The following ZFY variants were observed in gnomAD, a reference collection of about 807,000 sequenced individuals.
ZFY encodes the protein zinc finger protein Y-linked.
For missense variants in ZFY, 113 were observed against 170.9 expected, an observed-to-expected ratio of 0.66 and a Z score of 1.89; for synonymous variants, 47 against 55.8, an observed-to-expected ratio of 0.84 and a Z score of 0.71.
chrY:2,957,887 A>T (rs2051298194), intron 2 of ZFY, among the ~76,000 whole-genome samples: 1 of 33,494 alleles, frequency 3.0e-5, no homozygotes, highest in East Asian at 7.7e-4. Context: ...GATGCACCCA[A>T]TTTGAGGTTA....
chrY:2,947,257 G>T (rs2051264411), intron 1 of ZFY, among the ~76,000 whole-genome samples: 1 of 33,986 alleles, frequency 2.9e-5, no homozygotes, highest in Non-Finnish European at 7.3e-5. Flanking sequence ...AGATGTAATT[G>T]TAATCCTGTG....
At chrY:2,937,174 A>G (rs759260182) in intron 1 of ZFY, among the ~76,000 whole-genome samples, 3 of 32,760 alleles carry the variant, frequency 9.2e-5, no homozygotes, top group African/African-American at 2.4e-4. Flanking sequence ...GTATAAATTG[A>G]TAAGTGTTTT....
At chrY:2,962,633 T>C (rs2051314930) in intron 3 of ZFY, among the ~76,000 whole-genome samples, 1 of 32,529 alleles carries the variant, frequency 3.1e-5, no homozygotes, top group Non-Finnish European at 7.5e-5. Context: ...TTACCTCTTA[T>C]ATGATCAAGT....
Position 2,948,872 on chromosome Y carries a change from A to G in ZFY, c.-28-5037A>G, listed in dbSNP as rs760711344. Reference sequence around the variant, plus strand: ...GTTTTCAGTAAGGGGGTTAGAAGTTATTATTACTTTTTCTTTTTTTGAGAC... The same window carrying G: ...GTTTTCAGTAAGGGGGTTAGAAGTTGTTATTACTTTTTCTTTTTTTGAGAC... On this transcript the variant is annotated intron_variant, in intron 1 of 7. Transcript: ENST00000155093. 4.8e-4 allele frequency among the ~76,000 whole-genome samples: 16 copies of G among 33,553 alleles called. No individual in the cohort carries two copies. The East Asian group carries it at 0.012, about 24-fold the overall frequency. 90.0% of individuals were successfully genotyped at this position (33,553 alleles called of 37,273 possible).
chrY:2,952,566 CACTT>C (rs2051282317), intron 1 of ZFY, among the ~76,000 whole-genome samples: 1 of 33,848 alleles, frequency 3.0e-5, no homozygotes, highest in Non-Finnish European at 7.3e-5. Context: ...TCATAAAACA[CACTT>C]TCTTTAAATT....
chrY:2,977,897 T>C (rs1244302963), intron 6 of ZFY, 43 bp from the exon 7 acceptor site: 1 of 365,908 alleles, frequency 2.7e-6, no homozygotes, highest in Admixed American at 9.2e-5. Flanking sequence ...TTCTTTAGAA[T>C]TTATAATGTT....
chrY:2,951,422 C>T (rs2051278051), intron 1 of ZFY, among the ~76,000 whole-genome samples: 1 of 33,059 alleles, frequency 3.0e-5, no homozygotes, highest in African/African-American at 1.2e-4. Flanking sequence ...AAACTATTTT[C>T]ATTTCTAGGG....
In ZFY at chrY:2,980,360, C is replaced by T; in HGVS notation, c.*367C>T. 3.9e-5 allele frequency: 2 copies of T among 51,634 alleles called. No individual in the cohort carries two copies. The highest frequency in any genetic ancestry group is 2.3e-4 in the African/African-American group (2 of 8,836). 12.9% of individuals were successfully genotyped at this position (51,634 alleles called of 400,897 possible). On this transcript the variant is annotated 3_prime_UTR_variant, in exon 8 of 8. Transcript: ENST00000155093. ...AAGTAACATTTTTGACCCATTTCCT[C>T]CTACACAAGTGTTTCACATTGGAGA...
At chrY:2,969,770 T>C (rs2051342097) in intron 3 of ZFY, among the ~76,000 whole-genome samples, 1 of 33,067 alleles carries the variant, frequency 3.0e-5, no homozygotes, top group Non-Finnish European at 7.4e-5. Flanking sequence ...CCAAGTATTA[T>C]GAAATCAGTC....
At chrY:2,939,112 T>C in intron 1 of ZFY, among the ~76,000 whole-genome samples, 1 of 27,498 alleles carries the variant, frequency 3.6e-5, no homozygotes, top group African/African-American at 1.4e-4. Flanking sequence ...GCAAACCTTT[T>C]TAGATTCTTA....
At chrY:2,954,669 C>T in intron 2 of ZFY, among the ~76,000 whole-genome samples, 4 of 28,970 alleles carry the variant, frequency 1.4e-4, no homozygotes, top group Admixed American at 1.3e-3. Context: ...TGTACCCCAG[C>T]CTGGGTAACA....
intron 1 of ZFY, among the ~76,000 whole-genome samples, chrY:2,938,154 A>ATTTT (rs368708159): frequency 2.1e-3 from 6 of 2,845 alleles, no homozygotes; most frequent in African/African-American, 3.9e-3. Flanking sequence ...CGCCGGGCTA[A>ATTTT]TTTTTTTTTT....
At chrY:2,941,962 G>GTGTA (rs2051243253) in intron 1 of ZFY, among the ~76,000 whole-genome samples, 1 of 30,711 alleles carries the variant, frequency 3.3e-5, no homozygotes. Flanking sequence ...GTGTGTGTGT[G>GTGTA]TATATCTCTG....
chrY:2,951,208 C>T, intron 1 of ZFY, among the ~76,000 whole-genome samples: 1 of 32,701 alleles, frequency 3.1e-5, no homozygotes, highest in Admixed American at 2.8e-4. Flanking sequence ...GTAAATAAGT[C>T]ATGTGGTAGC....
At chrY:2,952,997 T>A in intron 1 of ZFY, among the ~76,000 whole-genome samples, 1 of 33,019 alleles carries the variant, frequency 3.0e-5, no homozygotes, top group Non-Finnish European at 7.4e-5. Flanking sequence ...AATATAGAGA[T>A]GTAATACAGT....
chrY:2,977,097 C>T (rs2051375992), intron 6 of ZFY, among the ~76,000 whole-genome samples: 1 of 20,018 alleles, frequency 5.0e-5, no homozygotes, highest in Admixed American at 5.9e-4. Context: ...AGGAGAATGG[C>T]GTGAACCTGG....
At chrY:2,967,299 G>A (rs2051331417) in intron 3 of ZFY, among the ~76,000 whole-genome samples, 2 of 33,144 alleles carry the variant, frequency 6.0e-5, no homozygotes, top group South Asian at 1.4e-3. Flanking sequence ...CCTAGTGTTC[G>A]TGGATAGTGT....
At chrY:2,973,578 G>T in intron 3 of ZFY, among the ~76,000 whole-genome samples, 1 of 33,208 alleles carries the variant, frequency 3.0e-5, no homozygotes, top group African/African-American at 1.2e-4. Context: ...TACTGACCAG[G>T]TGGGCCCAGA....
intron 2 of ZFY, among the ~76,000 whole-genome samples, chrY:2,956,513 C>T: frequency 6.1e-5 from 2 of 32,950 alleles, no homozygotes; most frequent in Non-Finnish European, 1.5e-4. Context: ...AGATCCCTCA[C>T]GTGTGCAGTT....
Sources: gnomAD v4.1 joint callset for allele counts (sites outside exome capture counted in the v4.1 genomes callset) on GRCh38, gnomAD v4.1.1 for gene constraint, MANE v1.5 for transcripts, NCBI Gene and HGNC (gene_info 2026-07-23, HGNC 2026-07-21) for gene names.